The following ADA2 variants were observed in gnomAD, a reference collection of about 807,000 sequenced individuals.
ADA2 encodes the protein adenosine deaminase 2.
ADA2 carries 29 observed loss-of-function variants against 44.2 expected under a neutral mutation model. That is an observed-to-expected ratio of 0.66 (90% CI 0.49 to 0.89). The LOEUF is 0.89. Ranked by LOEUF, ADA2 falls within the 40% of genes least tolerant of loss-of-function variation. The probability of loss-of-function intolerance (pLI) is 0.00; values close to 1 mark genes in which losing one functional copy is unlikely to be tolerated. For missense variants in ADA2, 637 were observed against 644.8 expected (o/e 0.99, Z 0.13); for synonymous variants, 215 against 234.9 (o/e 0.92, Z 0.77).
chr22:17,188,042 T>C (rs1325160841), intron 7 of ADA2, among the ~76,000 whole-genome samples: 2 of 149,424 alleles, frequency 1.3e-5, no homozygotes, highest in Non-Finnish European at 3.0e-5. Context: ...AAGCCGAGGT[T>C]GCAGTGAGCT....
chr22:17,182,794 T>C, intron 7 of ADA2, 33 bp from the exon 8 acceptor site: 2 of 1,544,218 alleles, frequency 1.3e-6, no homozygotes, highest in Non-Finnish European at 1.8e-6. Flanking sequence ...CCATGGGGGA[T>C]GGATGGGTCT....
At chr22:17,199,546 T>C (rs2062245499) in intron 4 of ADA2, 1 of 1,604,166 alleles carries the variant, frequency 6.2e-7, no homozygotes, top group Non-Finnish European at 8.5e-7. Context: ...AGTTCTCCCC[T>C]ACCAGAGCCC....
At chr22:17,183,952 T>TTTG in intron 7 of ADA2, among the ~76,000 whole-genome samples, 1 of 82,614 alleles carries the variant, frequency 1.2e-5, no homozygotes, top group Non-Finnish European at 2.4e-5. Context: ...CCATCACACC[T>TTTG]TTCTTTTTTT....
At chr22:17,218,166 G>A (rs766727169) in intron 1 of ADA2, among the ~76,000 whole-genome samples, 20 of 152,248 alleles carry the variant, frequency 1.3e-4, no homozygotes, top group African/African-American at 1.9e-4. Context: ...CCATGATATC[G>A]TAACTATTAT....
At chr22:17,199,620 G>A (rs1435164459) in intron 4 of ADA2, 1 of 1,614,072 alleles carries the variant, frequency 6.2e-7, no homozygotes, top group South Asian at 1.1e-5. Context: ...GATGCTCTCT[G>A]GGATCGCCAT....
intron 7 of ADA2, among the ~76,000 whole-genome samples, chr22:17,184,181 G>A (rs1362991577): frequency 6.6e-6 from 1 of 150,906 alleles, no homozygotes; most frequent in Admixed American, 6.6e-5. Flanking sequence ...AGCCAGGATG[G>A]TCTCGATCAC....
At chr22:17,199,343 G>A (rs1281964356) in intron 4 of ADA2, among the ~76,000 whole-genome samples, 1 of 141,154 alleles carries the variant, frequency 7.1e-6, no homozygotes, top group Non-Finnish European at 1.6e-5. Flanking sequence ...TCCTCCCTCC[G>A]ATCCAACCGC....
chr22:17,202,730 T>C (rs1367376828), intron 4 of ADA2, among the ~76,000 whole-genome samples: 2 of 152,032 alleles, frequency 1.3e-5, no homozygotes, highest in Non-Finnish European at 2.9e-5. Context: ...CTGGCTCCAA[T>C]TCATCACCTG....
At chr22:17,199,123 T>A (rs946506402) in intron 4 of ADA2, among the ~76,000 whole-genome samples, 1 of 149,416 alleles carries the variant, frequency 6.7e-6, no homozygotes, top group Non-Finnish European at 1.5e-5. Flanking sequence ...CCCCTCCCCC[T>A]CCCCCTCCAC....
At chr22:17,187,487 G>T (rs1232669640) in intron 7 of ADA2, among the ~76,000 whole-genome samples, 1 of 151,406 alleles carries the variant, frequency 6.6e-6, no homozygotes, top group Non-Finnish European at 1.5e-5. Context: ...ACAAAGTTTT[G>T]CCATGTTGCC....
chr22:17,191,531 G>T, intron 5 of ADA2, 152 bp downstream of exon 5: 1 of 820,730 alleles, frequency 1.2e-6, no homozygotes, highest in Non-Finnish European at 2.0e-6. Context: ...CTAGGACTGT[G>T]CTCTCACACA....
At chr22:17,186,907 C>T (rs2062042276) in intron 7 of ADA2, among the ~76,000 whole-genome samples, 3 of 150,254 alleles carry the variant, frequency 2.0e-5, no homozygotes, top group Admixed American at 6.7e-5. Context: ...TGGCTCACAC[C>T]TGTAATCCCA....
intron 4 of ADA2, among the ~76,000 whole-genome samples, chr22:17,195,093 A>C (rs114055698): frequency 1.3e-5 from 2 of 152,082 alleles, no homozygotes; most frequent in African/African-American, 4.8e-5. Flanking sequence ...TAGAAGCCCA[A>C]ACCCCTTTTC....
intron 1 of ADA2, among the ~76,000 whole-genome samples, chr22:17,211,207 A>AAAAC (rs2062415432): frequency 6.6e-6 from 1 of 151,618 alleles, no homozygotes; most frequent in Non-Finnish European, 1.5e-5. Context: ...AAAAATACAA[A>AAAAC]AATTAGCTGG....
rs3764846 is a variant in ADA2, at chr22:17,182,027, G to C, written c.1240-5C>G. 0.3 allele frequency: 476,002 copies of C among 1,605,842 alleles called. 75,008 individuals carry two copies. The highest frequency in any genetic ancestry group is 0.33 in the Non-Finnish European group (384,872 of 1,173,266). On this transcript the variant is annotated splice_polypyrimidine_tract_variant and splice_region_variant and intron_variant, in intron 8 of 9. Transcript: ENST00000399837. ...GTCAGACACCAGTTTCAGCACCTGC[G>C]CAATAGGAGGGAAGGGAGAAAGATG...
intron 1 of ADA2, among the ~76,000 whole-genome samples, chr22:17,210,836 T>C (rs1238856409): frequency 6.7e-6 from 1 of 149,700 alleles, no homozygotes. Flanking sequence ...GATCCACTCA[T>C]CTCAGCCTCC....
chr22:17,199,764 C>T (rs1324023627), intron 4 of ADA2: 6 of 1,447,828 alleles, frequency 4.1e-6, no homozygotes, highest in African/African-American at 1.4e-5. Flanking sequence ...TTGACCTTTC[C>T]AGGCTTTAGT....
chr22:17,187,996 T>A (rs1219718487), intron 7 of ADA2, among the ~76,000 whole-genome samples: 2 of 151,168 alleles, frequency 1.3e-5, no homozygotes, highest in African/African-American at 4.9e-5. Context: ...ACCAGCTACT[T>A]GGAAGGCTGA....
chr22:17,201,610 C>G (rs1269406790), intron 4 of ADA2, among the ~76,000 whole-genome samples: 1 of 152,160 alleles, frequency 6.6e-6, no homozygotes, highest in Non-Finnish European at 1.5e-5. Context: ...CCCGTCTGAG[C>G]TCACCACATA....
Sources: gnomAD v4.1 joint callset for allele counts (sites outside exome capture counted in the v4.1 genomes callset) on GRCh38, gnomAD v4.1.1 for gene constraint, MANE v1.5 for transcripts, NCBI Gene and HGNC (gene_info 2026-07-23, HGNC 2026-07-21) for gene names.